The following BEND7 variants were observed in gnomAD, a reference collection of about 807,000 sequenced individuals.
BEND7 encodes BEN domain-containing protein 7.
In BEND7, 28 loss-of-function variants were observed where a neutral mutation model predicts 50.9. The ratio of observed to expected loss-of-function variants is 0.55; its 90% CI spans 0.41 to 0.75. BEND7 has a LOEUF of 0.75. Among genes scored for constraint, BEND7 ranks in the 30% least tolerant of loss-of-function variants. The pLI is 0.00. For missense variants in BEND7, 477 were observed against 491.3 expected, an observed-to-expected ratio of 0.97 and a Z score of 0.28; for synonymous variants, 170 against 183.9, an observed-to-expected ratio of 0.92 and a Z score of 0.61.
At chr10:13,461,247 C>T (rs1433945774) in intron 6 of BEND7, among the ~76,000 whole-genome samples, 1 of 152,126 alleles carries the variant, frequency 6.6e-6, no homozygotes, top group Non-Finnish European at 1.5e-5. Context: ...GAGGGAAAGG[C>T]AGTCTCACAT....
At chr10:13,504,280 C>T (rs142247174) in intron 2 of BEND7, among the ~76,000 whole-genome samples, 46 of 152,264 alleles carry the variant, frequency 3.0e-4, no homozygotes, top group Non-Finnish European at 6.5e-4. Flanking sequence ...CTCCTAACTA[C>T]GCCCACCTGC....
intron 5 of BEND7, among the ~76,000 whole-genome samples, chr10:13,483,151 G>T (rs1050852601): frequency 2.0e-5 from 3 of 152,060 alleles, no homozygotes; most frequent in African/African-American, 7.2e-5. Context: ...AGAGAGGAAG[G>T]GGAAGGACAC....
chr10:13,510,606 T>C (rs928302891), intron 2 of BEND7, among the ~76,000 whole-genome samples: 2 of 152,188 alleles, frequency 1.3e-5, no homozygotes, highest in African/African-American at 4.8e-5. Context: ...TCTAGAGTCA[T>C]TTGGAATTAT....
intron 6 of BEND7, among the ~76,000 whole-genome samples, chr10:13,466,992 G>T (rs967464906): frequency 6.6e-6 from 1 of 152,188 alleles, no homozygotes; most frequent in East Asian, 1.9e-4. Context: ...AGGGTGAAGG[G>T]CTGGGAAGGC....
At chr10:13,470,623 TCA>T (rs1316063732) in intron 6 of BEND7, among the ~76,000 whole-genome samples, 5 of 152,214 alleles carry the variant, frequency 3.3e-5, no homozygotes, top group Admixed American at 1.3e-4. Context: ...ACATATGAAT[TCA>T]CAGTTTTGAG....
chr10:13,474,596 C>T (rs1028904135), intron 6 of BEND7, among the ~76,000 whole-genome samples: 2 of 151,386 alleles, frequency 1.3e-5, no homozygotes, highest in African/African-American at 4.9e-5. Flanking sequence ...TACCCGTCAC[C>T]GCTGTTGGAC....
At chr10:13,488,967 T>C (rs994896677) in intron 5 of BEND7, among the ~76,000 whole-genome samples, 2 of 152,232 alleles carry the variant, frequency 1.3e-5, no homozygotes, top group African/African-American at 4.8e-5. Context: ...TTTTTACTGA[T>C]AGATATAGAT....
intron 6 of BEND7, among the ~76,000 whole-genome samples, chr10:13,473,728 A>G (rs1009780720): frequency 1.3e-4 from 19 of 151,570 alleles, no homozygotes; most frequent in Middle Eastern, 7.0e-3. Flanking sequence ...GTCGATACCC[A>G]TCATCACTAT....
At chr10:13,524,848 T>G (rs528986521) in intron 2 of BEND7, among the ~76,000 whole-genome samples, 2 of 152,256 alleles carry the variant, frequency 1.3e-5, no homozygotes, top group Middle Eastern at 3.4e-3. Context: ...AAGATCTATG[T>G]GCTATCAATG....
intron 6 of BEND7, among the ~76,000 whole-genome samples, chr10:13,468,673 C>T (rs1010290788): frequency 6.6e-6 from 1 of 152,100 alleles, no homozygotes; most frequent in Non-Finnish European, 1.5e-5. Flanking sequence ...CAGAGTGATG[C>T]ACAGCTGGAC....
At chr10:13,505,128 G>A (rs1364155792) in intron 2 of BEND7, among the ~76,000 whole-genome samples, 1 of 152,230 alleles carries the variant, frequency 6.6e-6, no homozygotes, top group African/African-American at 2.4e-5. Context: ...AAATATAAGT[G>A]GGAGTTTTTC....
chr10:13,512,535 G>A lies in BEND7; in HGVS notation c.146-12455C>T, dbSNP rs541670661. Among the ~76,000 whole-genome samples, 289 of 152,250 alleles carry A rather than the reference G, an allele frequency of 1.9e-3. 1 individual carries two copies. The highest frequency in any genetic ancestry group is 3.6e-3 in the Non-Finnish European group (246 of 68,016). On this transcript the variant is annotated intron_variant, in intron 2 of 8. Coordinates refer to ENST00000466271, the MANE Select transcript of BEND7 (RefSeq NM_001369863.1). ...CACAATTTACTATTTGCAAAGAGAC[G>A]CCCTTTTCAATGTAAGTTGAAATGC...
chr10:13,463,086 C>T (rs1372658945), intron 6 of BEND7, among the ~76,000 whole-genome samples: 3 of 152,200 alleles, frequency 2.0e-5, no homozygotes, highest in African/African-American at 7.2e-5. Context: ...GACTCGAAGA[C>T]CCTCAATCAA....
At chr10:13,478,276 T>C (rs1338789276) in intron 6 of BEND7, among the ~76,000 whole-genome samples, 1 of 152,176 alleles carries the variant, frequency 6.6e-6, no homozygotes, top group Non-Finnish European at 1.5e-5. Context: ...CTGAGTTCCC[T>C]TTGGAGGATC....
At chr10:13,496,997 A>G (rs2077069752) in intron 3 of BEND7, 109 bp from the exon 4 acceptor site, 1 of 1,312,500 alleles carries the variant, frequency 7.6e-7, no homozygotes, top group African/African-American at 1.5e-5. Flanking sequence ...ATTTTGAAGC[A>G]TGTGCAATTA....
chr10:13,447,459 C>A, intron 7 of BEND7, 143 bp from the exon 8 acceptor site: 36 of 559,622 alleles, frequency 6.4e-5, no homozygotes, highest in East Asian at 8.6e-5. Flanking sequence ...ACCGTTGGTT[C>A]ATATTACAGA....
At chr10:13,476,745 C>G (rs2131633735) in intron 6 of BEND7, among the ~76,000 whole-genome samples, 1 of 152,308 alleles carries the variant, frequency 6.6e-6, no homozygotes, top group East Asian at 1.9e-4. Flanking sequence ...AACCTCCACT[C>G]TGGTTATAAC....
intron 6 of BEND7, among the ~76,000 whole-genome samples, chr10:13,452,866 G>A (rs1218183655): frequency 6.6e-6 from 1 of 152,148 alleles, no homozygotes; most frequent in Non-Finnish European, 1.5e-5. Flanking sequence ...GCTTCAAAAC[G>A]AAACTGGCGA....
intron 2 of BEND7, among the ~76,000 whole-genome samples, chr10:13,524,945 C>T (rs907306095): frequency 1.3e-5 from 2 of 152,140 alleles, no homozygotes; most frequent in South Asian, 2.1e-4. Context: ...CAATGCATCC[C>T]GACCCACCCT....
Sources: allele counts gnomAD v4.1 joint callset (sites outside exome capture counted in the v4.1 genomes callset), GRCh38; gene constraint gnomAD v4.1.1; transcripts MANE v1.5; gene names NCBI Gene and HGNC (gene_info 2026-07-23, HGNC 2026-07-21).